Variants in ATRNL1 observed in about 807,000 individuals in gnomAD.
The protein encoded by ATRNL1 is attractin like 1.
Under a neutral mutation model 182.7 loss-of-function variants are expected in ATRNL1, and 95 were observed. The observed-to-expected ratio is 0.52, with a 90% CI of 0.44 to 0.62. The LOEUF (loss-of-function observed/expected upper bound fraction) is 0.62, where lower values mean the gene tolerates loss of function less well. Among genes scored for constraint, ATRNL1 ranks in the 20% least tolerant of loss-of-function variants. The pLI is 0.00. For missense variants in ATRNL1, 1,471 were observed against 1,679.5 expected, an observed-to-expected ratio of 0.88 and a Z score of 2.17; for synonymous variants, 576 against 568.3, an observed-to-expected ratio of 1.01 and a Z score of -0.19.
chr10:115,714,514 C>G (rs1197589501), intron 26 of ATRNL1, among the ~76,000 whole-genome samples: 1 of 152,132 alleles, frequency 6.6e-6, no homozygotes, highest in Non-Finnish European at 1.5e-5. Flanking sequence ...AAAGGTTCTG[C>G]CAGGCGGCCC....
chr10:115,912,291 A>G (rs1004416525), intron 28 of ATRNL1, among the ~76,000 whole-genome samples: 10 of 152,230 alleles, frequency 6.6e-5, no homozygotes, highest in Non-Finnish European at 1.5e-4. Flanking sequence ...TATACAAAGG[A>G]GCACTTGATA....
intron 27 of ATRNL1, among the ~76,000 whole-genome samples, chr10:115,785,343 G>T (rs1346598249): frequency 2.6e-5 from 4 of 152,186 alleles, no homozygotes; most frequent in African/African-American, 9.7e-5. Context: ...TCTATCTTGT[G>T]GGCCTTTGTT....
intron 18 of ATRNL1, among the ~76,000 whole-genome samples, chr10:115,328,793 A>G (rs1855050551): frequency 6.6e-6 from 1 of 152,010 alleles, no homozygotes; most frequent in South Asian, 2.1e-4. Context: ...TGGCTGAAAA[A>G]TATTTCATTG....
rs187507397 is a variant in ATRNL1 at position 115,183,888 on chromosome 10, T to C, written c.1348+12596T>C. Among the ~76,000 whole-genome samples, 1,197 of 151,534 alleles carry C rather than the reference T, an allele frequency of 7.9e-3. 18 individuals are homozygous for C. The highest frequency in any genetic ancestry group is 0.027 in the African/African-American group (1,111 of 41,468). On this transcript the variant is annotated intron_variant, in intron 8 of 28. Coordinates refer to ENST00000355044, the MANE Select transcript of ATRNL1 (RefSeq NM_207303.4). ...CATATGTATATGATTAAAAATGAAA[T>C]AAAACCTTTCCCCGTTAAATATCAA...
At chr10:115,094,181 G>A in intron 1 of ATRNL1, 138 bp downstream of exon 1, 1 of 966,512 alleles carries the variant, frequency 1.0e-6, no homozygotes, top group Non-Finnish European at 1.4e-6. Context: ...GCGCGCGGCG[G>A]GAGCGGGCGA....
rs540264391 is a variant in ATRNL1, at chr10:115,314,942, C to G, written c.2819-576C>G. Among the ~76,000 whole-genome samples the G allele has an allele frequency of 2.0e-5, 3 of 152,246 alleles. No homozygotes were observed. The East Asian group carries it at 5.8e-4, about 29-fold the overall frequency. ...AAGGAGAGTACCAGGTTTTCATGTTCCCATCCAGCTTGGCTTTTTGGATGA... is the reference window on the plus strand; with the variant it reads ...AAGGAGAGTACCAGGTTTTCATGTTGCCATCCAGCTTGGCTTTTTGGATGA... On this transcript the variant is annotated intron_variant, in intron 17 of 28. Transcript: ENST00000355044.
intron 6 of ATRNL1, among the ~76,000 whole-genome samples, chr10:115,160,629 A>C (rs1241527693): frequency 6.6e-6 from 1 of 151,866 alleles, no homozygotes; most frequent in Non-Finnish European, 1.5e-5. Flanking sequence ...TGCTTTACAA[A>C]CTTTCATTGG....
chr10:115,855,020 T>C (rs1401228033), intron 28 of ATRNL1, among the ~76,000 whole-genome samples: 1 of 152,156 alleles, frequency 6.6e-6, no homozygotes, highest in Admixed American at 6.5e-5. Context: ...CTCTGACTTC[T>C]CCTCAACTTC....
At position 115,944,785 on chromosome 10, in the gene ATRNL1, G is replaced by A; in HGVS notation, c.*6G>A. The A allele has an allele frequency of 3.1e-6, 5 of 1,612,656 alleles. No individual in the cohort carries two copies. The highest frequency in any genetic ancestry group is 4.2e-6 in the Non-Finnish European group (5 of 1,179,264). On this transcript the variant is annotated 3_prime_UTR_variant, in exon 29 of 29. Transcript: ENST00000355044. The stretch of plus-strand genomic sequence containing the variant: ...GTCAAGGAACTTGTGTCTGAGAAAT[G>A]GAAACCGCTCCTGTATATTCTGTAC...
intron 1 of ATRNL1, among the ~76,000 whole-genome samples, chr10:115,098,737 G>A (rs1176762796): frequency 6.6e-6 from 1 of 152,002 alleles, no homozygotes; most frequent in Admixed American, 6.6e-5. Flanking sequence ...GATTACAGGC[G>A]TGAGCCACTG....
In ATRNL1 at chr10:115,227,548, A is replaced by G. The variant is rs147657780; in HGVS notation, c.1532+11668A>G. Reference sequence around the variant, plus strand: ...GAACTGAGCTACCATTTGACCCAGCAATCCCATTACTGGGTATATGCACAA... The same window carrying G: ...GAACTGAGCTACCATTTGACCCAGCGATCCCATTACTGGGTATATGCACAA... On this transcript the variant is annotated intron_variant, in intron 9 of 28. Transcript: ENST00000355044. Among the ~76,000 whole-genome samples the G allele has an allele frequency of 7.2e-5, 11 of 152,296 alleles. No individual in the cohort carries two copies. In the East Asian group the frequency reaches 1.9e-3, roughly 27 times the overall value.
intron 24 of ATRNL1, among the ~76,000 whole-genome samples, chr10:115,513,196 A>G (rs983687440): frequency 8.6e-5 from 13 of 151,968 alleles, no homozygotes; most frequent in African/African-American, 2.7e-4. Context: ...GAACTGCTGT[A>G]TGCTATTGTA....
At chr10:115,748,352 T>C (rs1555069719) in intron 27 of ATRNL1, among the ~76,000 whole-genome samples, 1 of 149,584 alleles carries the variant, frequency 6.7e-6, no homozygotes, top group African/African-American at 2.4e-5. Flanking sequence ...GCTGCATCTT[T>C]TTTTTTTTTT....
intron 27 of ATRNL1, among the ~76,000 whole-genome samples, chr10:115,765,431 A>G (rs1396827397): frequency 1.3e-5 from 2 of 152,134 alleles, no homozygotes; most frequent in Non-Finnish European, 2.9e-5. Context: ...ACATCATCTC[A>G]TATGCTTCTT....
At chr10:115,408,019 C>T (rs1447947030) in intron 20 of ATRNL1, among the ~76,000 whole-genome samples, 12 of 104,718 alleles carry the variant, frequency 1.1e-4, no homozygotes, top group African/African-American at 4.0e-4. Flanking sequence ...TTTTTTGAGA[C>T]GGAGTCTCGC....
chr10:115,859,445 C>G (rs1323253376), intron 28 of ATRNL1, among the ~76,000 whole-genome samples: 5 of 152,076 alleles, frequency 3.3e-5, no homozygotes, highest in African/African-American at 1.2e-4. Flanking sequence ...TCACCTCTTA[C>G]CAGCAGGCAG....
intron 25 of ATRNL1, 53 bp from the exon 26 acceptor site, chr10:115,549,405 T>C: frequency 7.4e-7 from 1 of 1,355,716 alleles, no homozygotes; most frequent in Non-Finnish European, 1.0e-6. Context: ...TGTTTTTTCA[T>C]TACATAGTTC....
In ATRNL1 at chr10:115,588,275, C is replaced by G. The variant is rs114223141; in HGVS notation, c.3795+38739C>G. On this transcript the variant is annotated intron_variant, in intron 26 of 28. Coordinates refer to ENST00000355044, the MANE Select transcript of ATRNL1 (RefSeq NM_207303.4). ...CCATGGATGGTGATTTATGTATGGACTACATAAATGAGCCTCTTTTGCTGT... is the reference window on the plus strand; with the variant it reads ...CCATGGATGGTGATTTATGTATGGAGTACATAAATGAGCCTCTTTTGCTGT... 5.7e-3 allele frequency among the ~76,000 whole-genome samples: 866 copies of G among 152,252 alleles called. 8 individuals carry two copies. Among genetic ancestry groups the G allele is most frequent in the African/African-American group, 0.019 (792 of 41,550 alleles).
At chr10:115,190,192 C>T (rs554041323) in intron 8 of ATRNL1, among the ~76,000 whole-genome samples, 2 of 152,068 alleles carry the variant, frequency 1.3e-5, no homozygotes, top group Non-Finnish European at 2.9e-5. Context: ...AAGGAACACA[C>T]GACTTTATCA....
Sources: gnomAD v4.1 joint callset for allele counts (sites outside exome capture counted in the v4.1 genomes callset) on GRCh38, gnomAD v4.1.1 for gene constraint, MANE v1.5 for transcripts, NCBI Gene and HGNC (gene_info 2026-07-23, HGNC 2026-07-21) for gene names.